Variants in EPB41L3 observed in about 807,000 individuals in gnomAD.
EPB41L3 encodes band 4.1-like protein 3.
Under a neutral mutation model 127.1 loss-of-function variants are expected in EPB41L3, and 57 were observed. The ratio of observed to expected loss-of-function variants is 0.45; its 90% CI spans 0.36 to 0.56. The LOEUF (loss-of-function observed/expected upper bound fraction) is 0.56, where lower values mean the gene tolerates loss of function less well. Ranked by LOEUF, EPB41L3 falls within the 20% of genes least tolerant of loss-of-function variation. The pLI is 0.00. For missense variants in EPB41L3, 1,273 were observed against 1,372.2 expected, an observed-to-expected ratio of 0.93 and a Z score of 1.14; for synonymous variants, 572 against 549.5, an observed-to-expected ratio of 1.04 and a Z score of -0.57.
At chr18:5,494,334 C>T (rs1023810659) in intron 1 of EPB41L3, among the ~76,000 whole-genome samples, 1 of 152,078 alleles carries the variant, frequency 6.6e-6, no homozygotes, top group Non-Finnish European at 1.5e-5. Flanking sequence ...TCACTCTTGG[C>T]AATATCACCT....
At chr18:5,518,910 C>A (rs1442991734) in intron 1 of EPB41L3, among the ~76,000 whole-genome samples, 2 of 152,118 alleles carry the variant, frequency 1.3e-5, no homozygotes, top group African/African-American at 4.8e-5. Context: ...TCTTTTGATA[C>A]AAATCTCTCA....
intron 12 of EPB41L3, 79 bp from the exon 13 acceptor site, chr18:5,416,457 A>C: frequency 7.1e-7 from 1 of 1,405,666 alleles, no homozygotes; most frequent in Non-Finnish European, 9.5e-7. Context: ...GCAATTAGTT[A>C]ATTTTCTTAT....
chr18:5,414,874 C>T (rs762790095), intron 13 of EPB41L3, among the ~76,000 whole-genome samples: 7 of 152,308 alleles, frequency 4.6e-5, no homozygotes, highest in East Asian at 1.9e-4. Context: ...CCCAATTGCT[C>T]GAGTCGGGGA....
chr18:5,521,213 C>G (rs11664740), intron 1 of EPB41L3: 49,417 of 152,090 alleles, frequency 0.32, 8,923 homozygotes, highest in Middle Eastern at 0.4. Context: ...AGCATTTTAT[C>G]TACATTGTTA....
Position 5,528,329 on chromosome 18 carries a change from G to A in EPB41L3, c.-12+15584C>T, listed in dbSNP as rs151221393. On this transcript the variant is annotated intron_variant, in intron 1 of 22. Coordinates refer to ENST00000341928, the MANE Select transcript of EPB41L3 (RefSeq NM_012307.5). ...TGGAACTACAGGCACACACCACCAC[G>A]CCTGGCTAATTTTTTTAAAAAATTT... Among the ~76,000 whole-genome samples, 964 of 151,850 alleles carry A rather than the reference G, an allele frequency of 6.3e-3. 4 individuals are homozygous for A. The highest frequency in any genetic ancestry group is 0.013 in the South Asian group (61 of 4,794).
chr18:5,497,874 C>T (rs1346905967), intron 1 of EPB41L3, among the ~76,000 whole-genome samples: 1 of 152,220 alleles, frequency 6.6e-6, no homozygotes, highest in Non-Finnish European at 1.5e-5. Flanking sequence ...GAGAACCCAA[C>T]TAATGGATAA....
At position 5,450,641 on chromosome 18, in the gene EPB41L3, T is replaced by TA. The variant is rs77142688; in HGVS notation, c.382-5398dup. ...TAAAATAATTAATTAAAAAGGTTAG[T>TA]AAAAAAAAAAGTTAACCTCCAAATG... is the stretch of plus-strand genomic sequence containing the variant. On this transcript the variant is annotated intron_variant, in intron 3 of 22. Transcript: ENST00000341928. Among the ~76,000 whole-genome samples the TA allele has an allele frequency of 7.8e-3, 1,168 of 149,272 alleles. 16 individuals carry two copies. Among genetic ancestry groups the TA allele is most frequent in the African/African-American group, 0.025 (1,030 of 40,844 alleles).
intron 1 of EPB41L3, among the ~76,000 whole-genome samples, chr18:5,627,821 CG>C (rs1398424811): frequency 1.3e-5 from 2 of 152,188 alleles, no homozygotes; most frequent in Admixed American, 6.5e-5. Context: ...GCTGCAAACT[CG>C]GTTTTATACC....
intron 3 of EPB41L3, chr18:5,612,215 A>AATTTG (rs1312775583): frequency 6.6e-6 from 1 of 152,222 alleles, no homozygotes; most frequent in Non-Finnish European, 1.5e-5. Context: ...AAAAGACTGC[A>AATTTG]ATTTGTAATA....
chr18:5,595,827 C>CATGGGG, intron 3 of EPB41L3, among the ~76,000 whole-genome samples: 2 of 152,236 alleles, frequency 1.3e-5, no homozygotes, highest in South Asian at 4.2e-4. Flanking sequence ...TAAGCAGGTC[C>CATGGGG]ATGGGGATCA....
intron 1 of EPB41L3, among the ~76,000 whole-genome samples, chr18:5,507,607 T>C (rs1226161149): frequency 6.6e-6 from 1 of 152,220 alleles, no homozygotes; most frequent in Non-Finnish European, 1.5e-5. Flanking sequence ...AACCTTAACA[T>C]TGTTGACTAC....
intron 1 of EPB41L3, among the ~76,000 whole-genome samples, chr18:5,494,364 A>G (rs560941962): frequency 1.3e-5 from 2 of 152,310 alleles, no homozygotes; most frequent in South Asian, 4.1e-4. Context: ...TGTTTAAAGA[A>G]ACAGTAGAAG....
Position 5,395,272 on chromosome 18 carries a change from T to C in EPB41L3, c.3073-125A>G, listed in dbSNP as rs1184589145. On this transcript the variant is annotated intron_variant, in intron 20 of 22. Coordinates refer to ENST00000341928, the MANE Select transcript of EPB41L3 (RefSeq NM_012307.5). ...TTCGAGAATTGAAATTAGAGTTCTA[T>C]GGCACTTATTTCACATTTTTAATTC... is the stretch of plus-strand genomic sequence containing the variant. 2.2e-5 allele frequency: 19 copies of C among 845,106 alleles called. No homozygotes were observed. In the South Asian group the frequency reaches 2.5e-4, roughly 11 times the overall value. 52.4% of individuals were successfully genotyped at this position (845,106 alleles called of 1,614,324 possible).
intron 3 of EPB41L3, among the ~76,000 whole-genome samples, chr18:5,459,049 G>A (rs919479550): frequency 6.6e-6 from 1 of 152,136 alleles, no homozygotes; most frequent in Admixed American, 6.5e-5. Flanking sequence ...ATCCTTGCAG[G>A]AGGGTGATAT....
At chr18:5,409,867 A>AGTTTT (rs2075983264) in intron 14 of EPB41L3, among the ~76,000 whole-genome samples, 1 of 152,142 alleles carries the variant, frequency 6.6e-6, no homozygotes, top group Admixed American at 6.5e-5. Context: ...TTAATGGTAG[A>AGTTTT]GAAGATTTGA....
chr18:5,552,821 C>G (rs752809823), intron 3 of EPB41L3, among the ~76,000 whole-genome samples: 1 of 152,070 alleles, frequency 6.6e-6, no homozygotes, highest in Non-Finnish European at 1.5e-5. Context: ...ATAAGGTGCC[C>G]GACGTTACAC....
At chr18:5,393,773 C>T (rs901649513) in intron 22 of EPB41L3, 2 of 285,508 alleles carry the variant, frequency 7.0e-6, no homozygotes, top group African/African-American at 4.4e-5. Flanking sequence ...AGAGATGCCA[C>T]TCATCAATTT....
intron 1 of EPB41L3, among the ~76,000 whole-genome samples, chr18:5,531,678 A>T (rs2093415124): frequency 1.3e-5 from 2 of 148,644 alleles, no homozygotes; most frequent in South Asian, 4.3e-4. Context: ...GCGGTGAGCC[A>T]AGATCATGCC....
intron 1 of EPB41L3, among the ~76,000 whole-genome samples, chr18:5,623,655 CT>C (rs368566723): frequency 3.2e-4 from 47 of 147,400 alleles, no homozygotes; most frequent in South Asian, 4.3e-4. Context: ...TCTTTTCATT[CT>C]TTTTTTTTTT....
Sources: allele counts gnomAD v4.1 joint callset (sites outside exome capture counted in the v4.1 genomes callset), GRCh38; gene constraint gnomAD v4.1.1; transcripts MANE v1.5; gene names NCBI Gene and HGNC (gene_info 2026-07-23, HGNC 2026-07-21).